The following RB1CC1 variants were observed in gnomAD, a reference collection of about 807,000 sequenced individuals.
RB1CC1 encodes RB1 inducible coiled-coil 1.
RB1CC1 carries 46 observed loss-of-function variants against 177.5 expected under a neutral mutation model. That is an observed-to-expected ratio of 0.26 (90% CI 0.20 to 0.33). RB1CC1 has a LOEUF of 0.33. Among genes scored for constraint, RB1CC1 ranks in the 10% least tolerant of loss-of-function variants. The probability of loss-of-function intolerance (pLI) is 1.00; values close to 1 mark genes in which losing one functional copy is unlikely to be tolerated. For synonymous variants in RB1CC1, 666 were observed against 613.6 expected, an observed-to-expected ratio of 1.09 and a Z score of -1.26; for missense variants, 1,703 against 1,816.3, an observed-to-expected ratio of 0.94 and a Z score of 1.13.
intron 20 of RB1CC1, among the ~76,000 whole-genome samples, chr8:52,632,762 C>T (rs780644164): frequency 1.9e-4 from 29 of 152,174 alleles, no homozygotes; most frequent in Non-Finnish European, 3.8e-4. Flanking sequence ...GCAAACCTGC[C>T]TCCCATTTTA....
rs767351149 is a variant in RB1CC1 at position 52,676,444 on chromosome 8, T to C, written c.497A>G (p.Lys166Arg). The change falls in exon 6 of 24, where the codon AAG (lysine) becomes AGG (arginine). Residue 166 changes from lysine (K) to arginine (R), a missense_variant. Physicochemically the swap from Lys to Arg is conservative, Grantham distance 26. Around this residue, in one of 6 missense-constraint regions of RB1CC1, gnomAD observed 315 missense variants for 304.9 expected, o/e 1.03. Coordinates refer to ENST00000025008, the MANE Select transcript of RB1CC1 (RefSeq NM_014781.5). ...NLEDCSNSYQ[K>R]LLFKFESIYS... ...AATACTTTCAAACTTGAAAAGTAGC[T>C]TTTGGTATGAATTTGAACAGTCCTC... is the stretch of plus-strand genomic sequence containing the variant. The C allele has an allele frequency of 1.9e-6, 3 of 1,613,276 alleles. No individual in the cohort carries two copies. Among genetic ancestry groups the C allele is most frequent in the East Asian group, 4.5e-5 (2 of 44,880 alleles).
At chr8:52,663,646 A>C (rs532541671) in intron 8 of RB1CC1, among the ~76,000 whole-genome samples, 3 of 152,240 alleles carry the variant, frequency 2.0e-5, no homozygotes, top group African/African-American at 7.2e-5. Context: ...CTTTTCACCA[A>C]ACACATTCTA....
rs1330073638 is a variant in RB1CC1, at chr8:52,674,074, A to G, written c.773T>C (p.Phe258Ser). ...RTTNESLLTS[F>S]PKSVEHVSPD... ...GGACACATGTTCCACTGACTTGGGA[A>G]ATGAGGTTAACAAAGATTCGTTAGT... The change falls in exon 7 of 24, where the codon TTT (phenylalanine) becomes TCT (serine). Residue 258 changes from phenylalanine to serine, a missense_variant. Phe to Ser is a radical substitution (Grantham distance 155, BLOSUM62 -2). Transcript: ENST00000025008. 1.5e-5 allele frequency: 24 copies of G among 1,614,014 alleles called. No homozygotes were observed. Among genetic ancestry groups the G allele is most frequent in the East Asian group, 2.2e-5 (1 of 44,870 alleles).
At chr8:52,703,744 C>T (rs985479901) in intron 1 of RB1CC1, among the ~76,000 whole-genome samples, 4 of 152,130 alleles carry the variant, frequency 2.6e-5, no homozygotes, top group Non-Finnish European at 4.4e-5. Flanking sequence ...TAACTTACAT[C>T]GCCCAAGCTG....
At position 52,657,997 on chromosome 8, in the gene RB1CC1, C is replaced by T; in HGVS notation, c.1920+1G>A. On this transcript the variant is annotated splice_donor_variant, in intron 14 of 23. Coordinates refer to ENST00000025008, the MANE Select transcript of RB1CC1 (RefSeq NM_014781.5). LOFTEE classifies it high-confidence loss of function. Reference sequence around the variant, plus strand: ...AAACTGTTTGAAAGAATTGAATTTGCCTTTTGTTCACTCAGTAGATCTGTA... The same window carrying T: ...AAACTGTTTGAAAGAATTGAATTTGTCTTTTGTTCACTCAGTAGATCTGTA... 6.2e-7 allele frequency: 1 copy of T among 1,613,454 alleles called. No homozygotes were observed. Among genetic ancestry groups the T allele is most frequent in the Non-Finnish European group, 8.5e-7 (1 of 1,179,860 alleles).
rs1365884277 is a variant in RB1CC1 at position 52,680,987 on chromosome 8, TGTGTGTG to T, written c.369+2555_369+2561del. ...GGGGTTTTGTGTGTGTGTGTGTGTG[TGTGTGTG>T]TTTTTTTTTTTTTTTGAGATGAAGT... On this transcript the variant is annotated intron_variant, in intron 5 of 23. Transcript: ENST00000025008. Among the ~76,000 whole-genome samples the T allele has an allele frequency of 9.6e-3, 1,199 of 125,066 alleles. 26 individuals carry two copies. The highest frequency in any genetic ancestry group is 0.041 in the African/African-American group (1,159 of 28,570). The allele number at this position is 125,066 out of a possible 152,430, so 82.0% of individuals were successfully genotyped here.
At chr8:52,669,621 G>A (rs1852375082) in intron 7 of RB1CC1, among the ~76,000 whole-genome samples, 1 of 152,138 alleles carries the variant, frequency 6.6e-6, no homozygotes, top group African/African-American at 2.4e-5. Flanking sequence ...GCACAATGTT[G>A]TCTCAACTGC....
intron 18 of RB1CC1, among the ~76,000 whole-genome samples, chr8:52,641,955 T>C (rs1849622320): frequency 6.8e-6 from 1 of 147,266 alleles, no homozygotes; most frequent in African/African-American, 2.5e-5. Flanking sequence ...TATATATGAA[T>C]AAACAAATAA....
chr8:52,699,804 C>CCAAA (rs1855836231), intron 1 of RB1CC1, among the ~76,000 whole-genome samples: 1 of 38,550 alleles, frequency 2.6e-5, no homozygotes, highest in Non-Finnish European at 3.9e-5. Context: ...ATCTCCGTCT[C>CCAAA]AAAAAAAAAA....
At chr8:52,699,177 A>G (rs181143113) in intron 1 of RB1CC1, among the ~76,000 whole-genome samples, 31 of 152,322 alleles carry the variant, frequency 2.0e-4, no homozygotes, top group Non-Finnish European at 2.9e-5. Flanking sequence ...CCTAAACAGA[A>G]GGAAAAACAA....
At chr8:52,651,052 A>C (rs2150445449) in intron 15 of RB1CC1, among the ~76,000 whole-genome samples, 1 of 152,394 alleles carries the variant, frequency 6.6e-6, no homozygotes, top group South Asian at 2.1e-4. Context: ...AGGAATTGCA[A>C]AGCAATTACA....
intron 1 of RB1CC1, among the ~76,000 whole-genome samples, chr8:52,691,128 T>C (rs1854816911): frequency 6.6e-6 from 1 of 152,254 alleles, no homozygotes. Flanking sequence ...ATATTGCTTT[T>C]AGCTGTAATA....
chr8:52,633,453 A>G (rs1178175964), intron 20 of RB1CC1, among the ~76,000 whole-genome samples: 2 of 152,222 alleles, frequency 1.3e-5, no homozygotes, highest in Non-Finnish European at 2.9e-5. Context: ...CATGTCTGAG[A>G]TAGACCATTC....
intron 5 of RB1CC1, among the ~76,000 whole-genome samples, chr8:52,682,544 CTT>C (rs1184881221): frequency 6.6e-6 from 1 of 151,982 alleles, no homozygotes; most frequent in Non-Finnish European, 1.5e-5. Flanking sequence ...GACATTTTAT[CTT>C]TTCTTTTTAC....
Position 52,623,732 on chromosome 8 carries a change from A to C in RB1CC1, c.*50T>G, listed in dbSNP as rs1848194470. On this transcript the variant is annotated 3_prime_UTR_variant, in exon 24 of 24. Transcript: ENST00000025008. ...TTTTGGAGTGATGAATGAGCACTGC[A>C]GGACAAATCAGAAAAAAATGTCATA... 7.3e-7 allele frequency: 1 copy of C among 1,369,310 alleles called. No homozygotes were observed. Among genetic ancestry groups the C allele is most frequent in the Non-Finnish European group, 1.0e-6 (1 of 960,810 alleles). The allele number at this position is 1,369,310 out of a possible 1,614,324, so 84.8% of individuals were successfully genotyped here.
intron 18 of RB1CC1, among the ~76,000 whole-genome samples, chr8:52,637,569 A>AT (rs1315218671): frequency 1.3e-5 from 2 of 152,116 alleles, no homozygotes; most frequent in African/African-American, 2.4e-5. Flanking sequence ...TAATTACAGT[A>AT]TTTTTTTAGA....
Position 52,624,761 on chromosome 8 carries a change from C to G in RB1CC1, c.4663G>C (p.Val1555Leu). The G allele has an allele frequency of 6.3e-7, 1 of 1,589,830 alleles. No homozygotes were observed. Among genetic ancestry groups the G allele is most frequent in the Non-Finnish European group, 8.6e-7 (1 of 1,164,564 alleles). The change falls in exon 23 of 24, where the codon GTA (valine) becomes CTA (leucine). Residue 1555 changes from valine (V) to leucine (L), a missense_variant. By Grantham distance (32) the Val-to-Leu change is conservative. This residue lies in a region of RB1CC1 where 70 missense variants were observed against 118.0 expected (regional missense o/e 0.59). Transcript: ENST00000025008. Reference protein sequence around the residue: ...GASGASRRPWVLGKVMEKEYC... With the variant: ...GASGASRRPWLLGKVMEKEYC... ...TCTTTTTCCATTACTTTTCCAAGTA[C>G]CCAGGGTCTTCTAGATGCACCTGAA...
At chr8:52,661,795 T>C in intron 8 of RB1CC1, 76 bp from the exon 9 acceptor site, 1 of 1,164,192 alleles carries the variant, frequency 8.6e-7, no homozygotes, top group Non-Finnish European at 1.2e-6. Context: ...AAGTGGAAAA[T>C]CTTTATGTTA....
chr8:52,686,055 C>T (rs775641406), intron 2 of RB1CC1: 1 of 152,296 alleles, frequency 6.6e-6, no homozygotes, highest in East Asian at 1.9e-4. Flanking sequence ...AGTTCCATCA[C>T]TTCCATCAGC....
Sources: allele counts gnomAD v4.1 joint callset (sites outside exome capture counted in the v4.1 genomes callset), GRCh38; gene constraint gnomAD v4.1.1; regional missense constraint gnomAD v4.1.1; transcripts MANE v1.5; gene names NCBI Gene and HGNC (gene_info 2026-07-23, HGNC 2026-07-21).